EYA2: variants seen among roughly 807,000 people sequenced by gnomAD.
EYA2 encodes the protein EYA transcriptional coactivator and phosphatase 2, also known as protein phosphatase EYA2.
A neutral mutation model predicts 69.2 loss-of-function variants in EYA2; 31 were observed. That is an observed-to-expected ratio of 0.45 (90% confidence interval 0.34 to 0.60). The LOEUF (loss-of-function observed/expected upper bound fraction) is 0.60. Among genes scored for constraint, EYA2 ranks in the 20% least tolerant of loss-of-function variants. The probability of loss-of-function intolerance (pLI) is 0.02; values close to 1 mark genes in which losing one functional copy is unlikely to be tolerated. For missense variants in EYA2, 622 were observed against 701.2 expected (o/e 0.89, Z 1.28); for synonymous variants, 257 against 279.4 (o/e 0.92, Z 0.80).
At chr20:46,900,473 T>C (rs1984044494) in intron 1 of EYA2, among the ~76,000 whole-genome samples, 1 of 152,246 alleles carries the variant, frequency 6.6e-6, no homozygotes, top group Non-Finnish European at 1.5e-5. Flanking sequence ...TTCTGCAGCA[T>C]GCATACTTTG....
chr20:47,152,810 C>CAA (rs1374007225), intron 10 of EYA2, among the ~76,000 whole-genome samples: 34 of 76,474 alleles, frequency 4.4e-4, no homozygotes, highest in African/African-American at 1.4e-3. Context: ...GACTCAGTCT[C>CAA]AAAAAAAAAA....
At chr20:47,063,819 T>C (rs1230734331) in intron 5 of EYA2, among the ~76,000 whole-genome samples, 1 of 152,224 alleles carries the variant, frequency 6.6e-6, no homozygotes, top group Non-Finnish European at 1.5e-5. Context: ...CCTGAGCTGC[T>C]CCCACCACTC....
At chr20:47,152,509 C>A (rs1020854804) in intron 10 of EYA2, among the ~76,000 whole-genome samples, 1 of 151,374 alleles carries the variant, frequency 6.6e-6, no homozygotes, top group African/African-American at 2.4e-5. Flanking sequence ...GATAGGGGGG[C>A]GCATTAGAAA....
intron 1 of EYA2, among the ~76,000 whole-genome samples, chr20:46,909,887 T>C (rs2082768048): frequency 6.6e-6 from 1 of 152,112 alleles, no homozygotes; most frequent in Non-Finnish European, 1.5e-5. Context: ...GATGTTATAC[T>C]CTTTGTGTGC....
chr20:46,985,322 C>T (rs1474206746), intron 1 of EYA2, among the ~76,000 whole-genome samples: 1 of 152,170 alleles, frequency 6.6e-6, no homozygotes, highest in African/African-American at 2.4e-5. Context: ...ATGATTTCCC[C>T]ATTGGCTTGG....
At chr20:47,041,475 T>C (rs1985065671) in intron 5 of EYA2, among the ~76,000 whole-genome samples, 1 of 152,226 alleles carries the variant, frequency 6.6e-6, no homozygotes, top group Non-Finnish European at 1.5e-5. Flanking sequence ...TATTGAACAC[T>C]TTTATACAGA....
At chr20:46,986,272 T>G (rs949091368) in intron 1 of EYA2, among the ~76,000 whole-genome samples, 5 of 148,258 alleles carry the variant, frequency 3.4e-5, no homozygotes, top group Admixed American at 1.4e-4. Flanking sequence ...TGGAGATATA[T>G]ATATAATATA....
At chr20:46,931,781 C>G (rs1293712328) in intron 1 of EYA2, among the ~76,000 whole-genome samples, 5 of 152,118 alleles carry the variant, frequency 3.3e-5, no homozygotes, top group Admixed American at 6.6e-5. Context: ...ACTGAGCAAT[C>G]CCCTCTGGGC....
intron 9 of EYA2, among the ~76,000 whole-genome samples, chr20:47,110,287 G>A (rs574356197): frequency 1.3e-5 from 2 of 152,176 alleles, no homozygotes; most frequent in East Asian, 1.9e-4. Context: ...TCTGTCACTC[G>A]CTGAAGCACA....
chr20:47,109,513 C>A (rs1374646404), intron 9 of EYA2, among the ~76,000 whole-genome samples: 1 of 151,894 alleles, frequency 6.6e-6, no homozygotes, highest in East Asian at 1.9e-4. Flanking sequence ...GTTTAAATAC[C>A]CTGTGTTTCT....
intron 12 of EYA2, among the ~76,000 whole-genome samples, chr20:47,173,829 AG>A (rs2034377820): frequency 6.6e-6 from 1 of 152,196 alleles, no homozygotes; most frequent in Admixed American, 6.5e-5. Flanking sequence ...GGAACCACCC[AG>A]GGAGTTTCAG....
At chr20:47,083,596 C>G (rs934442649) in intron 7 of EYA2, among the ~76,000 whole-genome samples, 1 of 118,238 alleles carries the variant, frequency 8.5e-6, no homozygotes, top group East Asian at 2.5e-4. Context: ...AAAAAAAAAT[C>G]GTGGAACAAC....
chr20:47,048,106 A>T (rs557747503), intron 5 of EYA2, among the ~76,000 whole-genome samples: 3 of 152,384 alleles, frequency 2.0e-5, no homozygotes, highest in Non-Finnish European at 4.4e-5. Context: ...AACTCGACTT[A>T]TTCACAAATT....
chr20:47,153,732 G>C (rs771914842), intron 10 of EYA2, among the ~76,000 whole-genome samples: 1 of 151,926 alleles, frequency 6.6e-6, no homozygotes, highest in Non-Finnish European at 1.5e-5. Context: ...CGACATGAAG[G>C]AGCATGGCTG....
rs376212052 is a variant in EYA2 at position 46,900,547 on chromosome 20, CAT to C, written c.-11+5564_-11+5565del. On this transcript the variant is annotated intron_variant, in intron 1 of 15. Transcript: ENST00000327619. ...TTACAGCAAGAAGCTATGCTGAAAA[CAT>C]ATACACTTCTGTTTAAGAAATGAGA... 1.3e-4 allele frequency among the ~76,000 whole-genome samples: 20 copies of C among 152,298 alleles called. No individual in the cohort carries two copies. The East Asian group carries it at 3.9e-3, about 29-fold the overall frequency.
intron 9 of EYA2, among the ~76,000 whole-genome samples, chr20:47,110,381 A>C (rs1377674011): frequency 6.6e-6 from 1 of 152,008 alleles, no homozygotes; most frequent in Non-Finnish European, 1.5e-5. Context: ...AGCTGGGACC[A>C]CAGACATGCA....
chr20:47,014,138 T>G (rs181742456), intron 4 of EYA2, among the ~76,000 whole-genome samples: 2,180 of 152,294 alleles, frequency 0.014, 21 homozygotes, highest in Non-Finnish European at 0.024. Flanking sequence ...CTTACTTTAA[T>G]TTCCTAACAA....
chr20:47,026,583 CT>C, intron 5 of EYA2, among the ~76,000 whole-genome samples: 1 of 152,242 alleles, frequency 6.6e-6, no homozygotes, highest in Middle Eastern at 3.4e-3. Context: ...AGAAATGTTA[CT>C]TTTTCAAAAA....
chr20:46,982,847 C>G (rs1370095354), intron 1 of EYA2, among the ~76,000 whole-genome samples: 2 of 149,874 alleles, frequency 1.3e-5, no homozygotes, highest in African/African-American at 5.0e-5. Context: ...AATCTCGGCT[C>G]ACTGCAACCT....
Sources: allele counts gnomAD v4.1 joint callset (sites outside exome capture counted in the v4.1 genomes callset), GRCh38; gene constraint gnomAD v4.1.1; transcripts MANE v1.5; gene names NCBI Gene and HGNC (gene_info 2026-07-23, HGNC 2026-07-21).